The following KIAA0825 variants were observed in gnomAD, a reference collection of about 807,000 sequenced individuals.
KIAA0825 encodes uncharacterized protein KIAA0825.
A neutral mutation model predicts 147.6 loss-of-function variants in KIAA0825; 119 were observed. The observed-to-expected ratio is 0.81, with a 90% CI of 0.69 to 0.94. KIAA0825 has a LOEUF of 0.94. Among genes scored for constraint, KIAA0825 ranks in the 40% least tolerant of loss-of-function variants. The probability of loss-of-function intolerance (pLI) is 0.00; values close to 1 mark genes in which losing one functional copy is unlikely to be tolerated. For synonymous variants in KIAA0825, 470 were observed against 518.1 expected, an observed-to-expected ratio of 0.91 and a Z score of 1.26; for missense variants, 1,381 against 1,472.7, an observed-to-expected ratio of 0.94 and a Z score of 1.02.
chr5:94,391,930 A>T (rs1749953979), intron 17 of KIAA0825, among the ~76,000 whole-genome samples: 1 of 152,368 alleles, frequency 6.6e-6, no homozygotes, highest in Admixed American at 6.5e-5. Flanking sequence ...ACATGTCTTT[A>T]CTGCATTTAT....
chr5:94,379,059 G>T (rs1302937933), intron 20 of KIAA0825, among the ~76,000 whole-genome samples: 4 of 152,098 alleles, frequency 2.6e-5, no homozygotes, highest in Non-Finnish European at 5.9e-5. Flanking sequence ...TAGGTTTTCT[G>T]TTTACTCTGA....
At chr5:94,176,474 A>G (rs1769116586) in intron 20 of KIAA0825, among the ~76,000 whole-genome samples, 1 of 152,138 alleles carries the variant, frequency 6.6e-6, no homozygotes, top group African/African-American at 2.4e-5. Flanking sequence ...CCATCAGTCT[A>G]GTAATATGCA....
At chr5:94,571,649 C>T (rs1347823177) in intron 2 of KIAA0825, among the ~76,000 whole-genome samples, 2 of 152,178 alleles carry the variant, frequency 1.3e-5, no homozygotes, top group Non-Finnish European at 2.9e-5. Flanking sequence ...TTAGATGTTG[C>T]TGCCTCTTTC....
At chr5:94,602,496 T>A (rs1786672703) in intron 1 of KIAA0825, among the ~76,000 whole-genome samples, 1 of 152,214 alleles carries the variant, frequency 6.6e-6, no homozygotes, top group South Asian at 2.1e-4. Context: ...TCTTGAATTG[T>A]AGTTCTCGTA....
At chr5:94,569,269 A>G (rs952922507) in intron 2 of KIAA0825, 5 of 271,668 alleles carry the variant, frequency 1.8e-5, no homozygotes, top group Non-Finnish European at 2.8e-5. Context: ...GTACCCAAAA[A>G]CAACCATTAT....
chr5:94,374,117 G>A (rs986209630), intron 20 of KIAA0825, among the ~76,000 whole-genome samples: 1 of 152,210 alleles, frequency 6.6e-6, no homozygotes, highest in Non-Finnish European at 1.5e-5. Flanking sequence ...ATACAAGCAA[G>A]TTTTAAAATA....
intron 20 of KIAA0825, among the ~76,000 whole-genome samples, chr5:94,161,387 T>C (rs536610349): frequency 1.3e-5 from 2 of 152,206 alleles, no homozygotes; most frequent in African/African-American, 4.8e-5. Context: ...TCCACCCACA[T>C]GAAATGCCTT....
intron 20 of KIAA0825, among the ~76,000 whole-genome samples, chr5:94,224,464 C>G (rs1051679160): frequency 6.6e-6 from 1 of 152,026 alleles, no homozygotes; most frequent in African/African-American, 2.4e-5. Context: ...ATGAAAATTT[C>G]TATCAGAGGA....
intron 1 of KIAA0825, among the ~76,000 whole-genome samples, chr5:94,613,904 A>G (rs763177098): frequency 8.5e-5 from 13 of 152,274 alleles, no homozygotes; most frequent in Non-Finnish European, 1.6e-4. Context: ...AGTTTCAATT[A>G]AAAATTTGAT....
At chr5:94,471,326 A>T in intron 9 of KIAA0825, 140 bp downstream of exon 9, 1 of 928,510 alleles carries the variant, frequency 1.1e-6, no homozygotes, top group Non-Finnish European at 1.6e-6. Flanking sequence ...TTTCCTAGTT[A>T]AGACAAATGA....
chr5:94,242,013 A>G (rs930581473), intron 20 of KIAA0825, among the ~76,000 whole-genome samples: 2 of 152,192 alleles, frequency 1.3e-5, no homozygotes, highest in African/African-American at 4.8e-5. Context: ...TTTATATGGA[A>G]AGAGAGCATT....
At chr5:94,298,726 A>C (rs1160947531) in intron 20 of KIAA0825, among the ~76,000 whole-genome samples, 1 of 152,192 alleles carries the variant, frequency 6.6e-6, no homozygotes, top group Non-Finnish European at 1.5e-5. Context: ...GAATTGCCAA[A>C]AATCAGATTC....
At chr5:94,381,946 CCTTAT>C (rs1334298290) in intron 20 of KIAA0825, among the ~76,000 whole-genome samples, 2 of 151,930 alleles carry the variant, frequency 1.3e-5, no homozygotes, top group Admixed American at 1.3e-4. Flanking sequence ...GATTCTTTTC[CCTTAT>C]CTTCAATTTT....
intron 20 of KIAA0825, among the ~76,000 whole-genome samples, chr5:94,334,344 C>T (rs1781584109): frequency 6.6e-6 from 1 of 152,160 alleles, no homozygotes; most frequent in Admixed American, 6.5e-5. Context: ...ATTGCCTATG[C>T]AAAACATATC....
In KIAA0825 at chr5:94,485,406, T is replaced by A. The variant is rs146310070; in HGVS notation, c.971-476A>T. 2.6e-4 allele frequency among the ~76,000 whole-genome samples: 40 copies of A among 151,902 alleles called. No individual in the cohort carries two copies. The East Asian group carries it at 6.6e-3, about 25-fold the overall frequency. On this transcript the variant is annotated intron_variant, in intron 5 of 20. Coordinates refer to ENST00000682413, the MANE Select transcript of KIAA0825 (RefSeq NM_001145678.3). ...AAGTAAAACTGAAATTAATACATAA[T>A]CAGCATTTGATTTTCATATAAAAGA...
chr5:94,187,410 T>TG (rs1422993399), intron 20 of KIAA0825, among the ~76,000 whole-genome samples: 5 of 149,358 alleles, frequency 3.3e-5, no homozygotes, highest in Admixed American at 6.6e-5. Context: ...GAGTTTTTTT[T>TG]TTTTTTTTTT....
At position 94,298,888 on chromosome 5, in the gene KIAA0825, C is replaced by T. The variant is rs150100496; in HGVS notation, c.3710+85480G>A. The stretch of plus-strand genomic sequence containing the variant: ...GTCAAGATGTAAAAATGTGTCACCA[C>T]AGAGAAATATTTAGTCTGACCCAAG... On this transcript the variant is annotated intron_variant, in intron 20 of 20. Transcript: ENST00000682413. 4.2e-3 allele frequency among the ~76,000 whole-genome samples: 634 copies of T among 152,272 alleles called. 2 individuals carry two copies. The highest frequency in any genetic ancestry group is 0.014 in the African/African-American group (601 of 41,558).
At chr5:94,575,403 T>C (rs111279860) in intron 2 of KIAA0825, among the ~76,000 whole-genome samples, 30 of 149,430 alleles carry the variant, frequency 2.0e-4, no homozygotes, top group African/African-American at 6.4e-4. Context: ...TTCCAGGATA[T>C]GATAGATAGC....
At chr5:94,254,354 G>A (rs1366281588) in intron 20 of KIAA0825, among the ~76,000 whole-genome samples, 1 of 152,024 alleles carries the variant, frequency 6.6e-6, no homozygotes, top group African/African-American at 2.4e-5. Flanking sequence ...AATTCCACAG[G>A]GGCCAGTTAG....
Sources: allele counts gnomAD v4.1 joint callset (sites outside exome capture counted in the v4.1 genomes callset), GRCh38; gene constraint gnomAD v4.1.1; transcripts MANE v1.5; gene names NCBI Gene and HGNC (gene_info 2026-07-23, HGNC 2026-07-21).